Variants in SLC24A2 observed in about 807,000 individuals in gnomAD.
SLC24A2 encodes solute carrier family 24 member 2, also known as sodium/potassium/calcium exchanger 2.
Under a neutral mutation model 62.0 loss-of-function variants are expected in SLC24A2, and 36 were observed. That is an observed-to-expected ratio of 0.58 (90% CI 0.44 to 0.77). SLC24A2 has a LOEUF of 0.77. Among genes scored for constraint, SLC24A2 ranks in the 30% least tolerant of loss-of-function variants. SLC24A2 has a pLI of 0.00. For missense variants in SLC24A2, 846 were observed against 817.9 expected, an observed-to-expected ratio of 1.03 and a Z score of -0.42; for synonymous variants, 358 against 294.0, an observed-to-expected ratio of 1.22 and a Z score of -2.23.
the SLC24A2 span, among the ~76,000 whole-genome samples, chr9:20,284,490 G>C: frequency 1.3e-5 from 2 of 151,250 alleles, no homozygotes; most frequent in Non-Finnish European, 2.9e-5. Flanking sequence ...AGATGTCATA[G>C]TTCAACCCCT....
chr9:19,748,523 T>A (rs1821896500), intron 2 of SLC24A2, among the ~76,000 whole-genome samples: 1 of 152,238 alleles, frequency 6.6e-6, no homozygotes, highest in Middle Eastern at 3.4e-3. Context: ...GGCAGTAAGA[T>A]TGTGCAGAAT....
In SLC24A2 at chr9:19,789,015, C is replaced by G. The variant is rs1271622660; in HGVS notation, c.-284G>C. On this transcript the variant is annotated 5_prime_UTR_variant, in exon 1 of 11. Coordinates refer to ENST00000341998, the MANE Select transcript of SLC24A2 (RefSeq NM_020344.4). ...CGCACTGGCTGCCGCTCTCGCCAGC[C>G]GGGCTGGGTTCGGGAGGAGACTGAG... 5 of 933,354 alleles carry G rather than the reference C, an allele frequency of 5.4e-6. No homozygotes were observed. The African/African-American group carries it at 8.9e-5, about 17-fold the overall frequency. 57.8% of individuals were successfully genotyped at this position (933,354 alleles called of 1,614,324 possible).
At chr9:19,697,575 A>C (rs961127676) in intron 2 of SLC24A2, among the ~76,000 whole-genome samples, 1 of 152,222 alleles carries the variant, frequency 6.6e-6, no homozygotes, top group South Asian at 2.1e-4. Flanking sequence ...AAAAGTTCTG[A>C]GTGAGTTCTA....
the SLC24A2 span, among the ~76,000 whole-genome samples, chr9:19,830,972 G>A: frequency 2.0e-5 from 3 of 152,132 alleles, no homozygotes; most frequent in Non-Finnish European, 4.4e-5. Flanking sequence ...CTTCCAAGAG[G>A]GTGCAGTGTT....
At chr9:20,236,643 T>G in the SLC24A2 span, among the ~76,000 whole-genome samples, 1 of 152,108 alleles carries the variant, frequency 6.6e-6, no homozygotes, top group Non-Finnish European at 1.5e-5. Context: ...AATGCTGAAT[T>G]TACAGTCATG....
At chr9:20,161,208 A>G in the SLC24A2 span, among the ~76,000 whole-genome samples, 2 of 151,604 alleles carry the variant, frequency 1.3e-5, no homozygotes, top group South Asian at 2.1e-4. Context: ...GAGGCTTTAA[A>G]TGACAAATTT....
chr9:20,051,858 C>T, the SLC24A2 span, among the ~76,000 whole-genome samples: 1 of 151,562 alleles, frequency 6.6e-6, no homozygotes, highest in African/African-American at 2.4e-5. Flanking sequence ...TTACAAGGAC[C>T]CCTAATGTCA....
chr9:19,847,949 G>C, the SLC24A2 span, among the ~76,000 whole-genome samples: 1 of 152,132 alleles, frequency 6.6e-6, no homozygotes, highest in East Asian at 1.9e-4. Context: ...GGCGGCAGAG[G>C]TTCATCCCAG....
At chr9:19,876,069 T>C in the SLC24A2 span, among the ~76,000 whole-genome samples, 1 of 152,214 alleles carries the variant, frequency 6.6e-6, no homozygotes, top group African/African-American at 2.4e-5. Context: ...CTTCCTTTAG[T>C]ATTGTTAGGG....
intron 2 of SLC24A2, among the ~76,000 whole-genome samples, chr9:19,785,466 G>C (rs527396029): frequency 8.1e-4 from 123 of 152,184 alleles, no homozygotes; most frequent in Admixed American, 1.9e-3. Context: ...GCTGCTGACT[G>C]GAAGGTACAG....
upstream of SLC24A2, among the ~76,000 whole-genome samples, chr9:19,790,491 A>G (rs527784308): frequency 6.6e-6 from 1 of 151,342 alleles, no homozygotes; most frequent in East Asian, 1.9e-4. Flanking sequence ...GACAATTCAA[A>G]TAGGCTGTCA....
the SLC24A2 span, among the ~76,000 whole-genome samples, chr9:20,162,389 AAT>A: frequency 6.6e-6 from 1 of 151,926 alleles, no homozygotes; most frequent in African/African-American, 2.4e-5. Flanking sequence ...CAAATCATAA[AAT>A]ACTCTTGAAA....
At chr9:20,137,541 G>C in the SLC24A2 span, among the ~76,000 whole-genome samples, 1 of 152,166 alleles carries the variant, frequency 6.6e-6, no homozygotes, top group Non-Finnish European at 1.5e-5. Context: ...TTTGGCATGT[G>C]ATATGTTGAC....
At chr9:20,034,798 C>T in the SLC24A2 span, among the ~76,000 whole-genome samples, 1 of 152,100 alleles carries the variant, frequency 6.6e-6, no homozygotes, top group African/African-American at 2.4e-5. Flanking sequence ...CCAGTAGATA[C>T]TGTTTAAAAT....
At chr9:20,122,000 G>C in the SLC24A2 span, among the ~76,000 whole-genome samples, 1 of 152,174 alleles carries the variant, frequency 6.6e-6, no homozygotes, top group Non-Finnish European at 1.5e-5. Flanking sequence ...TGCTAATGCA[G>C]CATTCCAAGG....
chr9:19,980,387 G>A, the SLC24A2 span, among the ~76,000 whole-genome samples: 2 of 152,196 alleles, frequency 1.3e-5, no homozygotes, highest in African/African-American at 4.8e-5. Context: ...CACATGGTAG[G>A]TTTGAAGGAC....
chr9:19,849,905 T>C, the SLC24A2 span, among the ~76,000 whole-genome samples: 29 of 151,940 alleles, frequency 1.9e-4, no homozygotes, highest in Non-Finnish European at 3.4e-4. Flanking sequence ...CGTTGTGAAA[T>C]AAAAAGTAAA....
At chr9:20,006,771 A>G in the SLC24A2 span, among the ~76,000 whole-genome samples, 1 of 152,202 alleles carries the variant, frequency 6.6e-6, no homozygotes, top group Non-Finnish European at 1.5e-5. Context: ...ATACAGTATC[A>G]AGAAAAATCG....
chr9:19,842,191 T>A, the SLC24A2 span, among the ~76,000 whole-genome samples: 1 of 152,240 alleles, frequency 6.6e-6, no homozygotes, highest in Admixed American at 6.5e-5. Context: ...CAGCACCGCA[T>A]CCAAGGACCC....
Sources: gnomAD v4.1 joint callset for allele counts (sites outside exome capture counted in the v4.1 genomes callset) on GRCh38, gnomAD v4.1.1 for gene constraint, MANE v1.5 for transcripts, NCBI Gene and HGNC (gene_info 2026-07-23, HGNC 2026-07-21) for gene names.